Variants in SGK1 observed in about 807,000 individuals in gnomAD.
SGK1 encodes serum/glucocorticoid regulated kinase 1, also known as serine/threonine-protein kinase Sgk1.
In SGK1, 26 loss-of-function variants were observed where a neutral mutation model predicts 64.2. That is an observed-to-expected ratio of 0.40 (90% CI 0.30 to 0.56). The LOEUF is 0.56. Ranked by LOEUF, SGK1 falls within the 20% of genes least tolerant of loss-of-function variation. The pLI, the probability that SGK1 is intolerant of heterozygous loss-of-function variation, is 0.38. For missense variants in SGK1, 519 were observed against 645.6 expected, an observed-to-expected ratio of 0.80 and a Z score of 2.12; for synonymous variants, 265 against 239.7, an observed-to-expected ratio of 1.11 and a Z score of -0.98.
In SGK1 at chr6:134,253,666, A is replaced by T. The variant is rs190440982; in HGVS notation, c.285+8267T>A. On this transcript the variant is annotated intron_variant, in intron 2 of 13. Transcript: ENST00000367858. ...AGACCTTGTCTCAAAAAAATAAAAA[A>T]TTTTTTTCTACAGTGCCCCTCTATT... Among the ~76,000 whole-genome samples, 105 of 151,914 alleles carry T rather than the reference A, an allele frequency of 6.9e-4. No individual in the cohort carries two copies. In the East Asian group the frequency reaches 0.018, roughly 27 times the overall value.
chr6:134,177,921 A>G (rs1775274102), intron 3 of SGK1: 2 of 1,259,930 alleles, frequency 1.6e-6, no homozygotes, highest in African/African-American at 3.0e-5. Context: ...GCAAAGTTCA[A>G]CACTGGGCCA....
chr6:134,211,846 C>A (rs184367432), intron 2 of SGK1, among the ~76,000 whole-genome samples: 1 of 143,540 alleles, frequency 7.0e-6, no homozygotes, highest in East Asian at 2.1e-4. Context: ...TGCACTCCAG[C>A]CTGGCGAGAG....
chr6:134,244,154 G>A (rs1400041723), intron 2 of SGK1, among the ~76,000 whole-genome samples: 2 of 150,294 alleles, frequency 1.3e-5, no homozygotes, highest in Non-Finnish European at 3.0e-5. Context: ...CCTGGTGTGT[G>A]ATGTTCCTCT....
At chr6:134,298,784 C>T (rs555411470) in intron 1 of SGK1, 23 of 276,882 alleles carry the variant, frequency 8.3e-5, no homozygotes, top group Non-Finnish European at 1.3e-4. Context: ...GCATTCAGCT[C>T]TTATTTATTT....
intron 3 of SGK1, among the ~76,000 whole-genome samples, chr6:134,181,486 A>G (rs1019928461): frequency 6.6e-6 from 1 of 152,098 alleles, no homozygotes; most frequent in African/African-American, 2.4e-5. Context: ...CTGGGATTAC[A>G]GGCACGTGCC....
intron 2 of SGK1, among the ~76,000 whole-genome samples, chr6:134,246,353 C>A (rs936352607): frequency 4.6e-5 from 7 of 150,998 alleles, no homozygotes; most frequent in East Asian, 4.0e-4. Flanking sequence ...GAAGGGGTTT[C>A]ACCATGTTGT....
chr6:134,306,092 C>G (rs1434487580), intron 1 of SGK1, among the ~76,000 whole-genome samples: 1 of 152,088 alleles, frequency 6.6e-6, no homozygotes, highest in Admixed American at 6.6e-5. Context: ...AAAAGCTTTA[C>G]CAATATGCAA....
rs564219419 is a variant in SGK1, at chr6:134,170,470, A to G, written c.1414-35T>C. ...GAAGGGAAAAACACTCTTGTCAAGA[A>G]CTCACACTAGACACAGGACAGGGAA... is the stretch of plus-strand genomic sequence containing the variant. On this transcript the variant is annotated intron_variant, in intron 13 of 13. Coordinates refer to ENST00000367858, the MANE Select transcript of SGK1 (RefSeq NM_001143676.3). 1.9e-5 allele frequency: 30 copies of G among 1,589,330 alleles called. No homozygotes were observed. In the Admixed American group the frequency reaches 4.8e-4, roughly 25 times the overall value.
Position 134,207,344 on chromosome 6 carries a change from T to C in SGK1, c.361+12A>G. 1 of 1,575,808 alleles carries C rather than the reference T, an allele frequency of 6.3e-7. No individual in the cohort carries two copies. Among genetic ancestry groups the C allele is most frequent in the Non-Finnish European group, 8.7e-7 (1 of 1,146,256 alleles). ...ACATAACAGGAAACAGGTTGTATTT[T>C]TCCAATAATACCTGGATCATCATTA... On this transcript the variant is annotated intron_variant, in intron 3 of 13. Transcript: ENST00000367858.
chr6:134,180,568 G>C (rs1002855411), intron 3 of SGK1, among the ~76,000 whole-genome samples: 1 of 151,996 alleles, frequency 6.6e-6, no homozygotes, highest in African/African-American at 2.4e-5. Flanking sequence ...TAATACTATT[G>C]GTAAACTCAA....
At chr6:134,197,899 AAT>A (rs373067591) in intron 3 of SGK1, among the ~76,000 whole-genome samples, 17 of 33,538 alleles carry the variant, frequency 5.1e-4, no homozygotes, top group African/African-American at 1.2e-3. Flanking sequence ...AATAAAATAA[AAT>A]ATAAAATAAA....
intron 3 of SGK1, chr6:134,177,779 T>C: frequency 6.2e-7 from 1 of 1,613,782 alleles, no homozygotes; most frequent in Non-Finnish European, 8.5e-7. Context: ...GGAATAAGCC[T>C]CCCTGCTACA....
intron 2 of SGK1, among the ~76,000 whole-genome samples, chr6:134,223,341 C>A (rs923021272): frequency 6.7e-6 from 1 of 149,294 alleles, no homozygotes; most frequent in Non-Finnish European, 1.5e-5. Flanking sequence ...GCACTCAAGC[C>A]TGGGCAACAA....
At chr6:134,247,611 T>C (rs1776543363) in intron 2 of SGK1, among the ~76,000 whole-genome samples, 1 of 152,238 alleles carries the variant, frequency 6.6e-6, no homozygotes, top group Non-Finnish European at 1.5e-5. Context: ...CTGAGGTTAA[T>C]AATACGGTTA....
intron 2 of SGK1, chr6:134,260,367 G>GGCC (rs1491556165): frequency 5.3e-5 from 3 of 56,810 alleles, no homozygotes; most frequent in Non-Finnish European, 8.1e-5. Context: ...CCCTGTCCCC[G>GGCC]ACCCCCACCC....
chr6:134,262,157 T>C lies in SGK1; in HGVS notation c.70-9A>G, dbSNP rs1776777054. ...TTGATCCACCTTCGTACCTGCAATG[T>C]GCAAAAGGAAAGAAAAAACAAATGT... On this transcript the variant is annotated splice_polypyrimidine_tract_variant and intron_variant, in intron 1 of 13. Coordinates refer to ENST00000367858, the MANE Select transcript of SGK1 (RefSeq NM_001143676.3). 3 of 1,541,816 alleles carry C rather than the reference T, an allele frequency of 1.9e-6. No homozygotes were observed. The highest frequency in any genetic ancestry group is 2.1e-5 in the Admixed American group (1 of 48,548).
At chr6:134,248,563 T>C (rs1458457944) in intron 2 of SGK1, among the ~76,000 whole-genome samples, 1 of 150,542 alleles carries the variant, frequency 6.6e-6, no homozygotes, top group Non-Finnish European at 1.5e-5. Context: ...GTGGTTCTCC[T>C]GCCTCAGCCT....
chr6:134,235,648 T>C (rs1776351976), intron 2 of SGK1, among the ~76,000 whole-genome samples: 1 of 151,924 alleles, frequency 6.6e-6, no homozygotes, highest in African/African-American at 2.4e-5. Flanking sequence ...CTCGGCTCAC[T>C]GCAACCTCCA....
At position 134,175,715 on chromosome 6, in the gene SGK1, G is replaced by C. The variant is rs1026889205; in HGVS notation, c.362-1129C>G. On this transcript the variant is annotated intron_variant, in intron 3 of 13. Coordinates refer to ENST00000367858, the MANE Select transcript of SGK1 (RefSeq NM_001143676.3). The stretch of plus-strand genomic sequence containing the variant: ...ACGAGAGCGACCGGCGAGCACTGAC[G>C]TTTCCTTGAAGGAGCCGCCGTGACT... The C allele has an allele frequency of 1.1e-5, 15 of 1,395,216 alleles. No individual in the cohort carries two copies. In the Admixed American group the frequency reaches 3.9e-4, roughly 36 times the overall value. The allele number at this position is 1,395,216 out of a possible 1,614,324, so 86.4% of individuals were successfully genotyped here.
Sources: gnomAD v4.1 joint callset for allele counts (sites outside exome capture counted in the v4.1 genomes callset) on GRCh38, gnomAD v4.1.1 for gene constraint, MANE v1.5 for transcripts, NCBI Gene and HGNC (gene_info 2026-07-23, HGNC 2026-07-21) for gene names.